SMC5: variants seen among roughly 807,000 people sequenced by gnomAD.
SMC5 encodes the protein structural maintenance of chromosomes 5.
A neutral mutation model predicts 148.3 loss-of-function variants in SMC5; 88 were observed. That is an observed-to-expected ratio of 0.59 (90% CI 0.50 to 0.71). The LOEUF (loss-of-function observed/expected upper bound fraction) is 0.71. Ranked by LOEUF, SMC5 falls within the 30% of genes least tolerant of loss-of-function variation. The probability of loss-of-function intolerance (pLI) is 0.00; values close to 1 mark genes in which losing one functional copy is unlikely to be tolerated. For missense variants in SMC5, 1,142 were observed against 1,298.9 expected (o/e 0.88, Z 1.86); for synonymous variants, 421 against 432.8 (o/e 0.97, Z 0.34).
At chr9:70,347,811 A>G in intron 21 of SMC5, 94 bp downstream of exon 21, 2 of 1,249,746 alleles carry the variant, frequency 1.6e-6, no homozygotes, top group South Asian at 2.9e-5. Context: ...TTCTAAGAGA[A>G]GTGTGTTATG....
intron 3 of SMC5, among the ~76,000 whole-genome samples, chr9:70,272,011 C>T (rs2034462917): frequency 6.6e-6 from 1 of 152,118 alleles, no homozygotes. Flanking sequence ...AAAAGTTTAA[C>T]CAGATTGGGT....
intron 18 of SMC5, among the ~76,000 whole-genome samples, chr9:70,345,890 G>A (rs1190671612): frequency 6.6e-6 from 1 of 152,130 alleles, no homozygotes; most frequent in East Asian, 1.9e-4. Context: ...GATACATGAT[G>A]GCATGAATTA....
chr9:70,342,133 A>G (rs2036542504), intron 17 of SMC5, among the ~76,000 whole-genome samples: 1 of 151,566 alleles, frequency 6.6e-6, no homozygotes, highest in African/African-American at 2.4e-5. Context: ...GTAATCTATC[A>G]CAAGGACAAA....
At chr9:70,347,198 C>G (rs773347439) in intron 20 of SMC5, 37 bp downstream of exon 20, 1 of 1,465,262 alleles carries the variant, frequency 6.8e-7, no homozygotes, top group African/African-American at 1.4e-5. Flanking sequence ...TGCATCCAAC[C>G]ACCACCACCA....
chr9:70,319,300 A>T (rs2035889445), intron 15 of SMC5, among the ~76,000 whole-genome samples: 1 of 151,296 alleles, frequency 6.6e-6, no homozygotes, highest in Non-Finnish European at 1.5e-5. Context: ...TCATTAATTT[A>T]TTTTTTTTTA....
At chr9:70,321,442 G>C (rs1168316404) in intron 15 of SMC5, among the ~76,000 whole-genome samples, 1 of 149,046 alleles carries the variant, frequency 6.7e-6, no homozygotes, top group Non-Finnish European at 1.5e-5. Flanking sequence ...ACCCAGGCTG[G>C]AGTGCAGTGG....
chr9:70,332,129 C>T (rs1042285044), intron 17 of SMC5, among the ~76,000 whole-genome samples: 7 of 152,050 alleles, frequency 4.6e-5, no homozygotes. Flanking sequence ...CTAGACTAAC[C>T]TTATATTTAT....
intron 17 of SMC5, among the ~76,000 whole-genome samples, chr9:70,325,381 A>T (rs113101456): frequency 0.021 from 3,222 of 152,312 alleles, 135 homozygotes; most frequent in African/African-American, 0.074. Flanking sequence ...CAAGACTAGC[A>T]TGGTATCAGC....
At chr9:70,349,316 C>G (rs536116494) in intron 22 of SMC5, among the ~76,000 whole-genome samples, 11 of 152,200 alleles carry the variant, frequency 7.2e-5, no homozygotes, top group South Asian at 2.1e-4. Flanking sequence ...ATCCACCCCC[C>G]TCGGCCTCCC....
intron 5 of SMC5, among the ~76,000 whole-genome samples, chr9:70,279,628 C>A (rs1055728128): frequency 6.6e-6 from 1 of 151,844 alleles, no homozygotes; most frequent in Non-Finnish European, 1.5e-5. Flanking sequence ...ACCAGCCTGG[C>A]CAACATGGTG....
At chr9:70,265,963 A>G (rs764023365) in intron 2 of SMC5, among the ~76,000 whole-genome samples, 6 of 152,168 alleles carry the variant, frequency 3.9e-5, no homozygotes, top group Non-Finnish European at 5.9e-5. Flanking sequence ...AAAAAATTAG[A>G]CTACAAAAGA....
chr9:70,298,169 C>A lies in SMC5; in HGVS notation c.1257C>A (p.Gly419=). 6.2e-7 allele frequency: 1 copy of A among 1,613,400 alleles called. No individual in the cohort carries two copies. Among genetic ancestry groups the A allele is most frequent in the Non-Finnish European group, 8.5e-7 (1 of 1,179,808 alleles). The part of the protein sequence containing the change: ...RIQDEKALCE[G]EIIDKRRERE... ...AGGATGAAAAGGCATTATGTGAAGG[C>A]GAAATAATTGATAAGCGAAGAGAGA... The change falls in exon 9 of 25, where the codon GGC becomes GGA. Residue 419 remains glycine (G), a synonymous_variant. Coordinates refer to ENST00000361138, the MANE Select transcript of SMC5 (RefSeq NM_015110.4).
chr9:70,323,442 T>C (rs756543436), intron 15 of SMC5, 41 bp from the exon 16 acceptor site: 57 of 1,526,916 alleles, frequency 3.7e-5, no homozygotes, highest in Non-Finnish European at 4.6e-5. Flanking sequence ...TCAATTCTTA[T>C]GTTTAACACT....
chr9:70,344,294 T>TAC (rs2036605449), intron 18 of SMC5, 25 bp downstream of exon 18: 1 of 1,388,300 alleles, frequency 7.2e-7, no homozygotes, highest in African/African-American at 1.5e-5. Context: ...TATATAATGC[T>TAC]ACAATTGCCA....
At chr9:70,349,986 A>G (rs1173077587) in intron 22 of SMC5, 128 bp from the exon 23 acceptor site, 1 of 488,798 alleles carries the variant, frequency 2.0e-6, no homozygotes, top group East Asian at 3.3e-5. Context: ...TTATTGTTAC[A>G]TATTTAAACT....
intron 11 of SMC5, among the ~76,000 whole-genome samples, chr9:70,305,762 C>T (rs772630958): frequency 3.9e-5 from 6 of 151,988 alleles, no homozygotes; most frequent in African/African-American, 1.4e-4. Context: ...ATAAATAAAA[C>T]GTCTTTAAAA....
intron 10 of SMC5, 78 bp downstream of exon 10, chr9:70,300,278 C>G (rs891611195): frequency 7.0e-6 from 9 of 1,278,416 alleles, no homozygotes; most frequent in Non-Finnish European, 9.6e-6. Flanking sequence ...CATTTTAGTC[C>G]CAATATTACC....
chr9:70,351,587 C>T (rs1564077126), intron 24 of SMC5, among the ~76,000 whole-genome samples: 2 of 152,020 alleles, frequency 1.3e-5, no homozygotes, highest in South Asian at 4.1e-4. Flanking sequence ...AAAGTATCTA[C>T]CCTAGGAAAA....
chr9:70,350,798 CTT>C (rs1241831289), intron 24 of SMC5, among the ~76,000 whole-genome samples: 1 of 152,188 alleles, frequency 6.6e-6, no homozygotes, highest in African/African-American at 2.4e-5. Flanking sequence ...AAAAGCCTCT[CTT>C]GTCATATACT....
Sources: allele counts gnomAD v4.1 joint callset (sites outside exome capture counted in the v4.1 genomes callset), GRCh38; gene constraint gnomAD v4.1.1; transcripts MANE v1.5; gene names NCBI Gene and HGNC (gene_info 2026-07-23, HGNC 2026-07-21).